Variants in WWOX observed in about 807,000 individuals in gnomAD.
WWOX encodes WW domain-containing oxidoreductase.
A neutral mutation model predicts 46.2 loss-of-function variants in WWOX; 69 were observed. The observed-to-expected ratio is 1.49, with a 90% CI of 1.23 to 1.82. The LOEUF (loss-of-function observed/expected upper bound fraction) is 1.82, where lower values mean the gene tolerates loss of function less well. WWOX is among the 40% of genes most tolerant of loss of function. The probability of loss-of-function intolerance (pLI) is 0.00; values close to 1 mark genes in which losing one functional copy is unlikely to be tolerated. For missense variants in WWOX, 919 were observed against 542.6 expected, an observed-to-expected ratio of 1.69 and a Z score of -6.89; for synonymous variants, 359 against 202.6, an observed-to-expected ratio of 1.77 and a Z score of -6.56.
intron 8 of WWOX, among the ~76,000 whole-genome samples, chr16:78,631,540 C>CTTTTTT (rs35592764): frequency 7.2e-6 from 1 of 138,946 alleles, no homozygotes; most frequent in Non-Finnish European, 1.5e-5. Flanking sequence ...TTAAAATATT[C>CTTTTTT]TTTTTTTTTT....
intron 8 of WWOX, among the ~76,000 whole-genome samples, chr16:78,877,523 C>T (rs2044258867): frequency 6.6e-6 from 1 of 152,248 alleles, no homozygotes; most frequent in African/African-American, 2.4e-5. Context: ...AAATGGCAGC[C>T]TGCCTCTCTG....
At chr16:79,032,905 C>G (rs535551247) in intron 8 of WWOX, among the ~76,000 whole-genome samples, 1 of 151,472 alleles carries the variant, frequency 6.6e-6, no homozygotes, top group African/African-American at 2.4e-5. Context: ...TTTTCCTGCT[C>G]TTCTCCCTCC....
At chr16:78,621,243 G>T (rs191070698) in intron 8 of WWOX, among the ~76,000 whole-genome samples, 10 of 152,230 alleles carry the variant, frequency 6.6e-5, no homozygotes, top group Admixed American at 2.0e-4. Flanking sequence ...CGGTGGAATT[G>T]TACTTAACTG....
intron 5 of WWOX, among the ~76,000 whole-genome samples, chr16:78,306,317 G>C (rs2080134510): frequency 6.6e-6 from 1 of 152,146 alleles, no homozygotes; most frequent in African/African-American, 2.4e-5. Flanking sequence ...GAGTCTAGCT[G>C]TTCCCAGTGT....
chr16:78,763,216 C>G (rs1037441352), intron 8 of WWOX, among the ~76,000 whole-genome samples: 2 of 152,226 alleles, frequency 1.3e-5, no homozygotes, highest in East Asian at 3.8e-4. Context: ...GTGTTTATTA[C>G]AAAGCGATAC....
At chr16:78,630,458 G>T (rs2046401157) in intron 8 of WWOX, among the ~76,000 whole-genome samples, 1 of 152,176 alleles carries the variant, frequency 6.6e-6, no homozygotes. Flanking sequence ...TACAGAGAGG[G>T]TGCCTACGTG....
Position 78,429,527 on chromosome 16 carries a change from G to T in WWOX, c.792-2961G>T, listed in dbSNP as rs79793785. 7.6e-3 allele frequency among the ~76,000 whole-genome samples: 1,156 copies of T among 152,134 alleles called. 11 individuals are homozygous for T. Among genetic ancestry groups the T allele is most frequent in the African/African-American group, 0.026 (1,081 of 41,514 alleles). The stretch of plus-strand genomic sequence containing the variant: ...ATGCCAAGAAGGGTTTCTGGAAGCA[G>T]TTGACAAAAGATGAGTAGAGAGAGG... On this transcript the variant is annotated intron_variant, in intron 7 of 8. Coordinates refer to ENST00000566780, the MANE Select transcript of WWOX (RefSeq NM_016373.4).
chr16:79,081,801 A>T (rs2048765322), intron 8 of WWOX, among the ~76,000 whole-genome samples: 1 of 152,090 alleles, frequency 6.6e-6, no homozygotes, highest in African/African-American at 2.4e-5. Context: ...TCTGGTCTCC[A>T]GCAGAAGACC....
chr16:78,678,475 C>T (rs1291820617), intron 8 of WWOX, among the ~76,000 whole-genome samples: 1 of 152,166 alleles, frequency 6.6e-6, no homozygotes, highest in African/African-American at 2.4e-5. Flanking sequence ...CATTTGAGCA[C>T]CTGTTTGTTC....
intron 8 of WWOX, among the ~76,000 whole-genome samples, chr16:78,953,092 A>G (rs2046095481): frequency 6.6e-6 from 1 of 151,902 alleles, no homozygotes; most frequent in Non-Finnish European, 1.5e-5. Context: ...TACCAACCAA[A>G]TTGACTGTTA....
At position 78,384,750 on chromosome 16, in the gene WWOX, T is replaced by A. The variant is rs1353040289; in HGVS notation, c.517-2110T>A. On this transcript the variant is annotated intron_variant, in intron 5 of 8. Transcript: ENST00000566780. ...TGCCACTGTTACCCAAGACCAGGAA[T>A]TTAAATCTGTGTTTGCCAGTTTGCC... 8.5e-5 allele frequency among the ~76,000 whole-genome samples: 13 copies of A among 152,200 alleles called. 1 individual carries two copies. The highest frequency in any genetic ancestry group is 8.5e-4 in the Admixed American group (13 of 15,286).
rs2048700689 is a variant in WWOX, at chr16:79,078,448, C to G, written c.1057-133160C>G. 4.6e-5 allele frequency among the ~76,000 whole-genome samples: 7 copies of G among 152,170 alleles called. No individual in the cohort carries two copies. In the South Asian group the frequency reaches 1.4e-3, roughly 31 times the overall value. ...CCTGTGTGTGGAGATGGCAGGGTGG[C>G]TGGAGTTGAGAGGAGAGTCCCTTGA... On this transcript the variant is annotated intron_variant, in intron 8 of 8. Transcript: ENST00000566780.
At chr16:78,542,696 G>A (rs1169626001) in intron 8 of WWOX, among the ~76,000 whole-genome samples, 1 of 152,184 alleles carries the variant, frequency 6.6e-6, no homozygotes, top group African/African-American at 2.4e-5. Flanking sequence ...ATATTAAATA[G>A]ACAATTCTTC....
intron 5 of WWOX, among the ~76,000 whole-genome samples, chr16:78,255,165 C>G (rs2038094445): frequency 6.6e-6 from 1 of 152,202 alleles, no homozygotes; most frequent in South Asian, 2.1e-4. Context: ...TTTGCCATAA[C>G]CCATAAGGGT....
chr16:78,702,456 G>A (rs1054216229), intron 8 of WWOX, among the ~76,000 whole-genome samples: 20 of 151,382 alleles, frequency 1.3e-4, no homozygotes, highest in African/African-American at 4.9e-4. Flanking sequence ...TTTGAGACCA[G>A]CCTGGCCAAC....
chr16:78,698,975 A>G (rs968405533), intron 8 of WWOX, among the ~76,000 whole-genome samples: 3 of 152,224 alleles, frequency 2.0e-5, no homozygotes, highest in Admixed American at 6.5e-5. Flanking sequence ...CTGTTAGGCC[A>G]ATGTGTTATT....
At chr16:78,754,636 A>T (rs1370946306) in intron 8 of WWOX, among the ~76,000 whole-genome samples, 1 of 152,212 alleles carries the variant, frequency 6.6e-6, no homozygotes, top group Admixed American at 6.5e-5. Flanking sequence ...AAAGCATGGA[A>T]ACTGGGCATT....
chr16:78,774,908 C>G (rs1437334322), intron 8 of WWOX, among the ~76,000 whole-genome samples: 1 of 152,170 alleles, frequency 6.6e-6, no homozygotes, highest in Non-Finnish European at 1.5e-5. Context: ...GGAACGTCAC[C>G]GTTGCCCATA....
At chr16:78,394,602 A>G (rs1050226500) in intron 6 of WWOX, among the ~76,000 whole-genome samples, 4 of 152,228 alleles carry the variant, frequency 2.6e-5, no homozygotes, top group Non-Finnish European at 5.9e-5. Context: ...ATGACCGTAA[A>G]GGGCAGAGGT....
Sources: allele counts gnomAD v4.1 joint callset (sites outside exome capture counted in the v4.1 genomes callset), GRCh38; gene constraint gnomAD v4.1.1; transcripts MANE v1.5; gene names NCBI Gene and HGNC (gene_info 2026-07-23, HGNC 2026-07-21).